The following TNKS variants were observed in gnomAD, a reference collection of about 807,000 sequenced individuals.
TNKS encodes the protein tankyrase.
TNKS carries 72 observed loss-of-function variants against 135.8 expected under a neutral mutation model. The observed-to-expected ratio is 0.53, with a 90% CI of 0.44 to 0.64. The LOEUF is 0.64. Among genes scored for constraint, TNKS ranks in the 30% least tolerant of loss-of-function variants. The probability of loss-of-function intolerance (pLI) is 0.00; values close to 1 mark genes in which losing one functional copy is unlikely to be tolerated. For synonymous variants in TNKS, 849 were observed against 649.3 expected (o/e 1.31, Z -4.68); for missense variants, 1,769 against 1,674.0 (o/e 1.06, Z -0.99).
Position 9,735,401 on chromosome 8 carries a change from C to T in TNKS, c.2558C>T (p.Ala853Val). The T allele has an allele frequency of 6.2e-7, 1 of 1,613,902 alleles. No individual in the cohort carries two copies. Among genetic ancestry groups the T allele is most frequent in the Non-Finnish European group, 8.5e-7 (1 of 1,179,950 alleles). ...GCAGGCTATAATAACCTGGAAGTAGCTGAATATCTTCTAGAGCATGGAGCT... is the reference window on the plus strand; with the variant it reads ...GCAGGCTATAATAACCTGGAAGTAGTTGAATATCTTCTAGAGCATGGAGCT... ...LAAGYNNLEV[A>V]EYLLEHGADV... The change falls in exon 17 of 27, where the codon GCT becomes GTT. Residue 853 changes from alanine to valine, a missense_variant. By Grantham distance (64) the Ala-to-Val change is moderately conservative. Coordinates refer to ENST00000310430, the MANE Select transcript of TNKS (RefSeq NM_003747.3).
intron 23 of TNKS, 89 bp downstream of exon 23, chr8:9,764,879 T>C (rs1370264446): frequency 5.7e-6 from 6 of 1,045,708 alleles, no homozygotes; most frequent in African/African-American, 5.0e-5. Context: ...TATTAAGTCA[T>C]ATTTTCAAAC....
Position 9,681,051 on chromosome 8 carries a change from A to G in TNKS, c.1107+251A>G, listed in dbSNP as rs369027497. 2.4e-5 allele frequency: 8 copies of G among 326,686 alleles called. No homozygotes were observed. The South Asian group carries it at 3.3e-4, about 13-fold the overall frequency. The allele number at this position is 326,686 out of a possible 1,614,324, so 20.2% of individuals were successfully genotyped here. A position where few individuals can be genotyped will look rare whatever the true frequency, so the allele number is the denominator to read the frequency against. On this transcript the variant is annotated intron_variant, in intron 5 of 26. Transcript: ENST00000310430. ...CAAGTTATTTGTTACATGAAACTGC[A>G]GTTTTGTCGGTGATTAAAATTACAG...
intron 2 of TNKS, among the ~76,000 whole-genome samples, chr8:9,581,580 T>C (rs1280047888): frequency 1.3e-5 from 2 of 152,244 alleles, no homozygotes; most frequent in African/African-American, 4.8e-5. Context: ...ATTATTGAGC[T>C]TGGAATGTGT....
In TNKS at chr8:9,582,537, G is replaced by C. The variant is rs530816548; in HGVS notation, c.898+2154G>C. 9.2e-5 allele frequency among the ~76,000 whole-genome samples: 14 copies of C among 152,278 alleles called. 1 individual carries two copies. Among genetic ancestry groups the C allele is most frequent in the East Asian group, 5.8e-4 (3 of 5,186 alleles). On this transcript the variant is annotated intron_variant, in intron 2 of 26. Coordinates refer to ENST00000310430, the MANE Select transcript of TNKS (RefSeq NM_003747.3). ...GCCACATTACCACCAGCTTACAGGA[G>C]ACATCAGGGCAGGTTGCTGTAGAGC...
At chr8:9,678,411 G>C (rs376164402) in intron 3 of TNKS, among the ~76,000 whole-genome samples, 1 of 152,146 alleles carries the variant, frequency 6.6e-6, no homozygotes, top group Non-Finnish European at 1.5e-5. Context: ...TACTCTGTCA[G>C]TTGGCTAAAA....
At chr8:9,575,437 T>C in intron 1 of TNKS, 1 of 984,770 alleles carries the variant, frequency 1.0e-6, no homozygotes, top group Non-Finnish European at 1.2e-6. Context: ...CTAGACTTAT[T>C]CTAAAGTTAT....
At chr8:9,759,760 G>A (rs927178161) in intron 20 of TNKS, among the ~76,000 whole-genome samples, 4 of 152,046 alleles carry the variant, frequency 2.6e-5, no homozygotes, top group East Asian at 1.9e-4. Flanking sequence ...AGATCACGAG[G>A]TCAGGAGATC....
chr8:9,689,351 C>G (rs901880647), intron 5 of TNKS, among the ~76,000 whole-genome samples: 6 of 152,200 alleles, frequency 3.9e-5, no homozygotes, highest in Admixed American at 2.0e-4. Context: ...TTTTTCTCTA[C>G]TAAGAATGCC....
chr8:9,766,858 C>T (rs1807480422), intron 25 of TNKS, among the ~76,000 whole-genome samples: 1 of 152,100 alleles, frequency 6.6e-6, no homozygotes, highest in Non-Finnish European at 1.5e-5. Context: ...CCCGTTGGTT[C>T]TGGGAATGGG....
At chr8:9,752,239 A>T (rs1039918763) in intron 19 of TNKS, among the ~76,000 whole-genome samples, 11 of 152,088 alleles carry the variant, frequency 7.2e-5, no homozygotes, top group Non-Finnish European at 1.6e-4. Context: ...GAATTATACT[A>T]TAATGTTAAA....
chr8:9,760,682 C>T (rs903571349), intron 20 of TNKS, among the ~76,000 whole-genome samples: 22 of 152,254 alleles, frequency 1.4e-4, no homozygotes, highest in East Asian at 3.9e-4. Context: ...CCTGTGTGTT[C>T]AGAATGTAGC....
Position 9,734,882 on chromosome 8 carries a change from T to C in TNKS, c.2331T>C (p.Thr777=), listed in dbSNP as rs61752022. Residue 777 remains threonine (T), a synonymous_variant, in exon 16 of 27, where the codon ACT becomes ACC. Coordinates refer to ENST00000310430, the MANE Select transcript of TNKS (RefSeq NM_003747.3). ...KLLLKHGADP[T]KKNRDGNTPL... The stretch of plus-strand genomic sequence containing the variant: ...CTTTGTAGCATGGAGCAGATCCAAC[T>C]AAAAAGAACAGAGATGGAAATACAC... 4.0e-3 allele frequency: 6,477 copies of C among 1,613,948 alleles called. 19 individuals carry two copies. Among genetic ancestry groups the C allele is most frequent in the Non-Finnish European group, 4.4e-3 (5,154 of 1,179,926 alleles).
intron 20 of TNKS, among the ~76,000 whole-genome samples, chr8:9,754,059 A>T (rs546198850): frequency 1.3e-5 from 2 of 152,134 alleles, no homozygotes; most frequent in Non-Finnish European, 2.9e-5. Flanking sequence ...ATCTCTTCTA[A>T]GGACATTTGC....
chr8:9,732,141 C>T (rs1033209215), intron 14 of TNKS, among the ~76,000 whole-genome samples: 1 of 152,088 alleles, frequency 6.6e-6, no homozygotes, highest in African/African-American at 2.4e-5. Context: ...TTCTTTTTTG[C>T]TATTAAAAAT....
intron 3 of TNKS, among the ~76,000 whole-genome samples, chr8:9,630,670 T>C (rs189174851): frequency 1.3e-5 from 2 of 152,342 alleles, no homozygotes; most frequent in African/African-American, 4.8e-5. Context: ...CCCATACTAG[T>C]ACTCCAATAA....
At chr8:9,735,512 G>C (rs1428346149) in intron 17 of TNKS, 26 bp downstream of exon 17, 8 of 1,592,640 alleles carry the variant, frequency 5.0e-6, no homozygotes, top group South Asian at 4.4e-5. Flanking sequence ...TTAAAATCTA[G>C]AAAACTGACC....
chr8:9,719,901 A>G (rs1804791417), intron 11 of TNKS, among the ~76,000 whole-genome samples: 1 of 152,224 alleles, frequency 6.6e-6, no homozygotes, highest in Admixed American at 6.5e-5. Flanking sequence ...AAGATATTAT[A>G]ATTAGCTATA....
intron 5 of TNKS, among the ~76,000 whole-genome samples, chr8:9,693,450 G>C: frequency 6.6e-6 from 1 of 152,102 alleles, no homozygotes; most frequent in East Asian, 1.9e-4. Flanking sequence ...AAGAGGGCTT[G>C]TTTGGCTGGA....
intron 2 of TNKS, among the ~76,000 whole-genome samples, chr8:9,603,333 G>C (rs976958498): frequency 7.2e-6 from 1 of 138,294 alleles, no homozygotes; most frequent in Admixed American, 6.9e-5. Flanking sequence ...GGGATTACAG[G>C]CATGAGCCAC....
Sources: allele counts gnomAD v4.1 joint callset (sites outside exome capture counted in the v4.1 genomes callset), GRCh38; gene constraint gnomAD v4.1.1; transcripts MANE v1.5; gene names NCBI Gene and HGNC (gene_info 2026-07-23, HGNC 2026-07-21).